The following PIK3C3 variants were observed in gnomAD, a reference collection of about 807,000 sequenced individuals.
The protein encoded by PIK3C3 is phosphatidylinositol 3-kinase catalytic subunit type 3.
PIK3C3 carries 95 observed loss-of-function variants against 126.1 expected under a neutral mutation model. The ratio of observed to expected loss-of-function variants is 0.75; its 90% CI spans 0.64 to 0.89. PIK3C3 has a LOEUF of 0.89. Ranked by LOEUF, PIK3C3 falls within the 40% of genes least tolerant of loss-of-function variation. The pLI, the probability that PIK3C3 is intolerant of heterozygous loss-of-function variation, is 0.00. For synonymous variants in PIK3C3, 374 were observed against 360.0 expected (o/e 1.04, Z -0.44); for missense variants, 829 against 1,063.2 (o/e 0.78, Z 3.06).
chr18:42,037,573 T>C, intron 16 of PIK3C3, 119 bp from the exon 17 acceptor site: 1 of 845,516 alleles, frequency 1.2e-6, no homozygotes, highest in Non-Finnish European at 1.8e-6. Flanking sequence ...ACCCAACTTG[T>C]TTTTTAGGTC....
intron 24 of PIK3C3, among the ~76,000 whole-genome samples, chr18:42,069,600 TCAGAAA>T (rs1488096605): frequency 1.3e-5 from 2 of 152,340 alleles, no homozygotes; most frequent in Admixed American, 1.3e-4. Flanking sequence ...ATGCTTGAAG[TCAGAAA>T]CTCTTAACTT....
intron 4 of PIK3C3, among the ~76,000 whole-genome samples, chr18:41,977,779 C>G (rs970008875): frequency 6.6e-6 from 1 of 152,030 alleles, no homozygotes; most frequent in African/African-American, 2.4e-5. Context: ...GCCACCATGC[C>G]TGGGCCAGAA....
At chr18:41,970,300 T>G in intron 3 of PIK3C3, 27 bp from the exon 4 acceptor site, 1 of 1,605,808 alleles carries the variant, frequency 6.2e-7, no homozygotes, top group Non-Finnish European at 8.5e-7. Context: ...AATTTACTTC[T>G]ACCCTGAACA....
chr18:42,071,279 GTGTT>G (rs1319841096), intron 24 of PIK3C3, among the ~76,000 whole-genome samples: 3 of 152,206 alleles, frequency 2.0e-5, no homozygotes, highest in Non-Finnish European at 2.9e-5. Flanking sequence ...GTGATGGACA[GTGTT>G]TGGGACAATA....
At chr18:42,054,646 C>T (rs1190038112) in intron 21 of PIK3C3, among the ~76,000 whole-genome samples, 3 of 152,050 alleles carry the variant, frequency 2.0e-5, no homozygotes, top group Non-Finnish European at 4.4e-5. Context: ...GACCAAGAAA[C>T]AGTCTTTCAG....
At chr18:42,010,588 A>T (rs1598892995) in intron 10 of PIK3C3, among the ~76,000 whole-genome samples, 1 of 151,426 alleles carries the variant, frequency 6.6e-6, no homozygotes, top group Non-Finnish European at 1.5e-5. Flanking sequence ...CTGGCCTTGA[A>T]CTCCTGACTT....
chr18:41,964,951 C>A (rs941682449), intron 3 of PIK3C3, among the ~76,000 whole-genome samples: 1 of 152,104 alleles, frequency 6.6e-6, no homozygotes, highest in African/African-American at 2.4e-5. Context: ...TATTAAAATT[C>A]ATACAGGAAA....
chr18:41,990,647 G>A, intron 6 of PIK3C3, 93 bp downstream of exon 6: 1 of 691,922 alleles, frequency 1.4e-6, no homozygotes, highest in Non-Finnish European at 2.5e-6. Context: ...GAATTATTTG[G>A]TTGCAGGGTA....
intron 13 of PIK3C3, chr18:42,026,441 G>A (rs1302830418): frequency 1.3e-5 from 2 of 152,202 alleles, no homozygotes; most frequent in Admixed American, 6.5e-5. Flanking sequence ...ATGTGGCTGT[G>A]TGTATCAAGC....
At chr18:42,021,987 AATACG>A (rs1376324731) in intron 13 of PIK3C3, among the ~76,000 whole-genome samples, 1 of 152,174 alleles carries the variant, frequency 6.6e-6, no homozygotes, top group East Asian at 1.9e-4. Flanking sequence ...AATTATACAA[AATACG>A]ATTTTGTTTT....
At chr18:42,050,885 T>G (rs1219320927) in intron 21 of PIK3C3, 1 of 152,204 alleles carries the variant, frequency 6.6e-6, no homozygotes, top group Non-Finnish European at 1.5e-5. Context: ...ATTCAGATCT[T>G]TGCAGGGCTG....
intron 2 of PIK3C3, among the ~76,000 whole-genome samples, chr18:41,962,088 T>C (rs2144294275): frequency 6.6e-6 from 1 of 152,286 alleles, no homozygotes; most frequent in South Asian, 2.1e-4. Context: ...TCAGAAGTGC[T>C]TTTGAGTATG....
chr18:41,982,299 A>G (rs992256155), intron 4 of PIK3C3, among the ~76,000 whole-genome samples: 3 of 152,172 alleles, frequency 2.0e-5, no homozygotes, highest in Non-Finnish European at 4.4e-5. Flanking sequence ...TGTATATAGT[A>G]GTACCAGACA....
chr18:42,063,454 G>T (rs184824875), intron 22 of PIK3C3, among the ~76,000 whole-genome samples: 2 of 152,236 alleles, frequency 1.3e-5, no homozygotes, highest in Admixed American at 6.5e-5. Flanking sequence ...TTCCCACAAA[G>T]AAATTAGTAA....
chr18:42,006,836 T>C (rs1252165687), intron 10 of PIK3C3, among the ~76,000 whole-genome samples: 1 of 149,988 alleles, frequency 6.7e-6, no homozygotes, highest in Non-Finnish European at 1.5e-5. Context: ...GGAGGGTAGG[T>C]GGGTATGTTT....
intron 9 of PIK3C3, among the ~76,000 whole-genome samples, chr18:42,001,631 T>G (rs945810592): frequency 1.3e-5 from 2 of 152,226 alleles, no homozygotes; most frequent in Non-Finnish European, 2.9e-5. Context: ...ACATTTAACA[T>G]TAAAAAGTTG....
At chr18:42,074,603 C>T (rs1985904030) in intron 24 of PIK3C3, among the ~76,000 whole-genome samples, 1 of 150,636 alleles carries the variant, frequency 6.6e-6, no homozygotes, top group South Asian at 2.1e-4. Context: ...AGCTGCAAAA[C>T]AAACTATTGC....
At chr18:41,988,819 C>T (rs969474521) in intron 5 of PIK3C3, among the ~76,000 whole-genome samples, 1 of 151,966 alleles carries the variant, frequency 6.6e-6, no homozygotes, top group African/African-American at 2.4e-5. Context: ...TGGAAGGAAG[C>T]CTTTTTAATT....
At position 42,081,275 on chromosome 18, in the gene PIK3C3, AC is replaced by A; in HGVS notation, c.*139del. 1 of 564,828 alleles carries A rather than the reference AC, an allele frequency of 1.8e-6. No individual in the cohort carries two copies. The highest frequency in any genetic ancestry group is 3.0e-5 in the East Asian group (1 of 33,802). The allele number at this position is 564,828 out of a possible 1,614,324, so 35.0% of individuals were successfully genotyped here. A position where few individuals can be genotyped will look rare whatever the true frequency, so the allele number is the denominator to read the frequency against. On this transcript the variant is annotated 3_prime_UTR_variant, in exon 25 of 25. Coordinates refer to ENST00000262039, the MANE Select transcript of PIK3C3 (RefSeq NM_002647.4). ...CAAGTTACCATATTTTCCAAATATTACATGGTACCTGAGTTCTGCTTCCTTG... is the reference window on the plus strand; with the variant it reads ...CAAGTTACCATATTTTCCAAATATTAATGGTACCTGAGTTCTGCTTCCTTG...
Sources: gnomAD v4.1 joint callset for allele counts (sites outside exome capture counted in the v4.1 genomes callset) on GRCh38, gnomAD v4.1.1 for gene constraint, MANE v1.5 for transcripts, NCBI Gene and HGNC (gene_info 2026-07-23, HGNC 2026-07-21) for gene names.